The following PNLIPRP3 variants were observed in gnomAD, a reference collection of about 807,000 sequenced individuals.
PNLIPRP3 encodes pancreatic lipase-related protein 3.
Under a neutral mutation model 52.8 loss-of-function variants are expected in PNLIPRP3, and 58 were observed. The observed-to-expected ratio is 1.10, with a 90% CI of 0.89 to 1.37. The LOEUF is 1.37. Among genes scored for constraint, PNLIPRP3 ranks in the 40% most tolerant of loss-of-function variants. The probability of loss-of-function intolerance (pLI) is 0.00; values close to 1 mark genes in which losing one functional copy is unlikely to be tolerated. For synonymous variants in PNLIPRP3, 192 were observed against 185.0 expected (o/e 1.04, Z -0.31); for missense variants, 593 against 561.6 (o/e 1.06, Z -0.57).
intron 10 of PNLIPRP3, among the ~76,000 whole-genome samples, chr10:116,472,396 A>T (rs1005752966): frequency 1.6e-4 from 24 of 152,138 alleles, no homozygotes; most frequent in Non-Finnish European, 2.5e-4. Context: ...AAATTTTCTT[A>T]ATCTTTTATT....
At position 116,456,752 on chromosome 10, in the gene PNLIPRP3, C is replaced by T. The variant is rs796159361; in HGVS notation, c.565+922C>T. On this transcript the variant is annotated intron_variant, in intron 5 of 11. Coordinates refer to ENST00000369230, the MANE Select transcript of PNLIPRP3 (RefSeq NM_001011709.3). ...AAGCAACAGCTCCTTTACCAACAGG[C>T]GGGGCTGGCCTCTCCCTCTGCATCC... Among the ~76,000 whole-genome samples, 7 of 152,286 alleles carry T rather than the reference C, an allele frequency of 4.6e-5. No individual in the cohort carries two copies. The South Asian group carries it at 1.2e-3, about 27-fold the overall frequency.
intron 1 of PNLIPRP3, among the ~76,000 whole-genome samples, chr10:116,433,944 C>T (rs1030476621): frequency 6.6e-6 from 1 of 152,216 alleles, no homozygotes; most frequent in African/African-American, 2.4e-5. Flanking sequence ...GGCTATATCT[C>T]CCAATTCCAC....
intron 1 of PNLIPRP3, among the ~76,000 whole-genome samples, chr10:116,435,813 A>T (rs77410701): frequency 0.13 from 19,296 of 152,112 alleles, 1,502 homozygotes; most frequent in Admixed American, 0.25. Context: ...TCCTTAGGTA[A>T]TTTTTTTACA....
chr10:116,445,165 G>A (rs1845926037), intron 4 of PNLIPRP3, among the ~76,000 whole-genome samples: 1 of 152,050 alleles, frequency 6.6e-6, no homozygotes, highest in South Asian at 2.1e-4. Flanking sequence ...TGCACTTACT[G>A]TGGGCTAGGC....
intron 4 of PNLIPRP3, among the ~76,000 whole-genome samples, chr10:116,450,695 A>G (rs926222454): frequency 1.3e-5 from 2 of 152,178 alleles, no homozygotes; most frequent in Non-Finnish European, 2.9e-5. Flanking sequence ...AAAATTTAAG[A>G]TAACCTAGAA....
chr10:116,456,871 T>G (rs570934417), intron 5 of PNLIPRP3, among the ~76,000 whole-genome samples: 6 of 152,322 alleles, frequency 3.9e-5, no homozygotes, highest in Middle Eastern at 3.4e-3. Flanking sequence ...GTCCCTCATC[T>G]CTTGCCTGCA....
At chr10:116,459,453 A>T (rs1846160445) in intron 5 of PNLIPRP3, among the ~76,000 whole-genome samples, 1 of 151,976 alleles carries the variant, frequency 6.6e-6, no homozygotes, top group African/African-American at 2.4e-5. Flanking sequence ...CAGCAAAGGG[A>T]TTTTGCTAAA....
At chr10:116,440,035 C>G in intron 2 of PNLIPRP3, 3 of 755,150 alleles carry the variant, frequency 4.0e-6, no homozygotes, top group Non-Finnish European at 7.3e-6. Context: ...CTAGGGGTCA[C>G]CTTTAGCCAT....
Position 116,469,225 on chromosome 10 carries a change from T to C in PNLIPRP3, c.968T>C (p.Met323Thr). ...TGTTCCAAAGAAGGTTGCCCAACAATGGGTCATTTTGCTGATAGATTTCAC... is the reference window on the plus strand; with the variant it reads ...TGTTCCAAAGAAGGTTGCCCAACAACGGGTCATTTTGCTGATAGATTTCAC... Reference protein sequence around the residue: ...FFCSKEGCPTMGHFADRFHFK... With the variant: ...FFCSKEGCPTTGHFADRFHFK... Residue 323 changes from methionine to threonine, a missense_variant, in exon 9 of 12, where the codon ATG becomes ACG. Met to Thr is a moderately conservative substitution (Grantham distance 81). Coordinates refer to ENST00000369230, the MANE Select transcript of PNLIPRP3 (RefSeq NM_001011709.3). 1 of 1,612,426 alleles carries C rather than the reference T, an allele frequency of 6.2e-7. No individual in the cohort carries two copies. Among genetic ancestry groups the C allele is most frequent in the South Asian group, 1.1e-5 (1 of 90,466 alleles).
intron 7 of PNLIPRP3, among the ~76,000 whole-genome samples, chr10:116,461,954 A>C (rs1054369734): frequency 1.3e-5 from 2 of 152,120 alleles, no homozygotes; most frequent in Admixed American, 6.6e-5. Context: ...AACTAGGTAA[A>C]AGGAAAGAAG....
chr10:116,435,750 T>C (rs1300924835), intron 1 of PNLIPRP3, among the ~76,000 whole-genome samples: 1 of 152,234 alleles, frequency 6.6e-6, no homozygotes, highest in Non-Finnish European at 1.5e-5. Flanking sequence ...TGTCCAGGTC[T>C]TTGCCTATTT....
In PNLIPRP3 at chr10:116,469,439, G is replaced by C. The variant is rs1421276644; in HGVS notation, c.1060+122G>C. On this transcript the variant is annotated intron_variant, in intron 9 of 11. Coordinates refer to ENST00000369230, the MANE Select transcript of PNLIPRP3 (RefSeq NM_001011709.3). The stretch of plus-strand genomic sequence containing the variant: ...TAGGCCAGACTGGGATTTCAGTGAA[G>C]AACAACACAGTGAGGTCTTTAATTG... 3 of 984,856 alleles carry C rather than the reference G, an allele frequency of 3.0e-6. No homozygotes were observed. In the East Asian group the frequency reaches 8.3e-5, roughly 27 times the overall value. 61.0% of individuals were successfully genotyped at this position (984,856 alleles called of 1,614,324 possible).
At chr10:116,459,911 G>A (rs781599671) in intron 5 of PNLIPRP3, among the ~76,000 whole-genome samples, 4 of 152,216 alleles carry the variant, frequency 2.6e-5, no homozygotes, top group Non-Finnish European at 4.4e-5. Context: ...GGCGTTACAC[G>A]TGCCCACTAC....
chr10:116,445,556 T>TAC (rs1396962640), intron 4 of PNLIPRP3, among the ~76,000 whole-genome samples: 112 of 34,956 alleles, frequency 3.2e-3, no homozygotes, highest in African/African-American at 4.6e-3. Flanking sequence ...ATCTTCTCTT[T>TAC]ATAAAAAAAA....
chr10:116,435,405 G>C (rs113523768), intron 1 of PNLIPRP3, among the ~76,000 whole-genome samples: 16 of 149,144 alleles, frequency 1.1e-4, no homozygotes, highest in African/African-American at 3.2e-4. Flanking sequence ...AAAAATAGAA[G>C]GTTACTGTTT....
At chr10:116,471,719 G>A (rs1564705666) in intron 9 of PNLIPRP3, 49 bp from the exon 10 acceptor site, 1 of 1,381,766 alleles carries the variant, frequency 7.2e-7, no homozygotes, top group South Asian at 1.2e-5. Flanking sequence ...TACTTCCCAT[G>A]TGTTTTTAAC....
chr10:116,439,910 A>G, intron 2 of PNLIPRP3: 1 of 857,854 alleles, frequency 1.2e-6, no homozygotes, highest in Non-Finnish European at 2.0e-6. Context: ...CACCTCTCAG[A>G]GCGCTTCTTG....
chr10:116,455,564 G>A (rs563352897), intron 4 of PNLIPRP3, among the ~76,000 whole-genome samples, 158 bp from the exon 5 acceptor site: 6 of 152,238 alleles, frequency 3.9e-5, no homozygotes, highest in African/African-American at 1.4e-4. Flanking sequence ...GTTGGATAAG[G>A]ATGTAGGCAG....
chr10:116,453,344 G>A (rs890916874), intron 4 of PNLIPRP3, among the ~76,000 whole-genome samples: 11 of 152,078 alleles, frequency 7.2e-5, no homozygotes, highest in Non-Finnish European at 1.0e-4. Flanking sequence ...ACTTGGCCTT[G>A]AGTCTCAGAT....
Sources: gnomAD v4.1 joint callset for allele counts (sites outside exome capture counted in the v4.1 genomes callset) on GRCh38, gnomAD v4.1.1 for gene constraint, MANE v1.5 for transcripts, NCBI Gene and HGNC (gene_info 2026-07-23, HGNC 2026-07-21) for gene names.